WDFY3: variants seen among roughly 807,000 people sequenced by gnomAD.
WDFY3 encodes WD repeat and FYVE domain-containing protein 3.
A neutral mutation model predicts 409.6 loss-of-function variants in WDFY3; 66 were observed. That is an observed-to-expected ratio of 0.16 (90% CI 0.13 to 0.20). The LOEUF (loss-of-function observed/expected upper bound fraction) is 0.20, where lower values mean the gene tolerates loss of function less well. Among genes scored for constraint, WDFY3 ranks in the 10% least tolerant of loss-of-function variants. The probability of loss-of-function intolerance (pLI) is 1.00; values close to 1 mark genes in which losing one functional copy is unlikely to be tolerated. For synonymous variants in WDFY3, 1,521 were observed against 1,537.1 expected, an observed-to-expected ratio of 0.99 and a Z score of 0.25; for missense variants, 3,031 against 4,298.1, an observed-to-expected ratio of 0.71 and a Z score of 8.24.
intron 27 of WDFY3, among the ~76,000 whole-genome samples, chr4:84,777,616 T>A (rs918291457): frequency 4.6e-5 from 7 of 152,092 alleles, no homozygotes; most frequent in Admixed American, 1.3e-4. Context: ...GTAAAGCAAT[T>A]AGGGCACACT....
At chr4:84,818,263 A>G (rs1753595846) in intron 12 of WDFY3, among the ~76,000 whole-genome samples, 2 of 152,158 alleles carry the variant, frequency 1.3e-5, no homozygotes. Flanking sequence ...CACAAGTGAT[A>G]CTGTTCTCAC....
At chr4:84,892,615 C>T (rs930431796) in intron 3 of WDFY3, among the ~76,000 whole-genome samples, 2 of 152,218 alleles carry the variant, frequency 1.3e-5, no homozygotes, top group African/African-American at 4.8e-5. Flanking sequence ...TTATACTGGG[C>T]ACAGGAACTC....
At chr4:84,910,278 T>C (rs1252156753) in intron 2 of WDFY3, among the ~76,000 whole-genome samples, 1 of 152,170 alleles carries the variant, frequency 6.6e-6, no homozygotes, top group African/African-American at 2.4e-5. Flanking sequence ...CACCTACAGA[T>C]TTTGGTGCTT....
At chr4:84,875,200 G>A (rs923472150) in intron 3 of WDFY3, among the ~76,000 whole-genome samples, 1 of 151,424 alleles carries the variant, frequency 6.6e-6, no homozygotes, top group South Asian at 2.1e-4. Flanking sequence ...CCCAGGAGGT[G>A]GAAGTTGCAG....
At position 84,756,919 on chromosome 4, in the gene WDFY3, T is replaced by C; in HGVS notation, c.5424+7A>G. The C allele has an allele frequency of 6.2e-7, 1 of 1,612,652 alleles. No individual in the cohort carries two copies. Among genetic ancestry groups the C allele is most frequent in the Non-Finnish European group, 8.5e-7 (1 of 1,178,870 alleles). On this transcript the variant is annotated splice_region_variant and intron_variant, in intron 33 of 67. Transcript: ENST00000295888. Reference sequence around the variant, plus strand: ...ATTTCACGCACCCCTTGCTAGATAATTCCTACCTGGCAACCCTGCTTACTC... The same window carrying C: ...ATTTCACGCACCCCTTGCTAGATAACTCCTACCTGGCAACCCTGCTTACTC...
Position 84,684,058 on chromosome 4 carries a change from C to A in WDFY3, c.9611G>T (p.Ser3204Ile), listed in dbSNP as rs1727880454. 1.2e-6 allele frequency: 2 copies of A among 1,613,592 alleles called. No individual in the cohort carries two copies. Among genetic ancestry groups the A allele is most frequent in the Non-Finnish European group, 1.7e-6 (2 of 1,179,552 alleles). Residue 3204 changes from serine to isoleucine, a missense_variant, in exon 63 of 68, where the codon AGT becomes ATT. Physicochemically the swap from Ser to Ile is moderately radical, Grantham distance 142. Coordinates refer to ENST00000295888, the MANE Select transcript of WDFY3 (RefSeq NM_014991.6). ...VWSINGNPIV[S>I]VNTFTGRSQQ... ...GCTCCTACCTGTGAACGTGTTGACA[C>A]TCACGATAGGGTTCCCATTGATGCT...
intron 61 of WDFY3, among the ~76,000 whole-genome samples, chr4:84,689,392 C>T (rs1728870627): frequency 6.6e-6 from 1 of 152,146 alleles, no homozygotes; most frequent in South Asian, 2.1e-4. Flanking sequence ...TGGCACATTA[C>T]TTTCAAAGTG....
At position 84,757,160 on chromosome 4, in the gene WDFY3, T is replaced by A; in HGVS notation, c.5190A>T (p.Gly1730=). 6.2e-7 allele frequency: 1 copy of A among 1,612,458 alleles called. No homozygotes were observed. The highest frequency in any genetic ancestry group is 8.5e-7 in the Non-Finnish European group (1 of 1,178,622). ...CACCAGCACTTCTGCCCACGTTGAA[T>A]CCTAAGAGAAGAGGAATATAACAGT... The part of the protein sequence containing the change: ...VLTNKIGTVL[G]FNVGRSAGGR... The change falls in exon 33 of 68, where the codon GGA becomes GGT. Residue 1730 remains glycine, a splice_region_variant and synonymous_variant. Transcript: ENST00000295888.
At chr4:84,886,048 T>TA (rs951768065) in intron 3 of WDFY3, among the ~76,000 whole-genome samples, 3 of 151,850 alleles carry the variant, frequency 2.0e-5, no homozygotes, top group African/African-American at 2.4e-5. Flanking sequence ...TAGTGATGGG[T>TA]AAAAAAAATT....
At chr4:84,682,274 A>G in intron 64 of WDFY3, 100 bp downstream of exon 64, 2 of 1,129,514 alleles carry the variant, frequency 1.8e-6, no homozygotes, top group Non-Finnish European at 2.5e-6. Flanking sequence ...GCAGTGCCCA[A>G]CCTTGGGCTC....
chr4:84,835,710 A>G (rs907703714), intron 7 of WDFY3, among the ~76,000 whole-genome samples: 2 of 152,184 alleles, frequency 1.3e-5, no homozygotes, highest in East Asian at 3.9e-4. Flanking sequence ...TAAAGAGCCC[A>G]GTGACATGAG....
chr4:84,926,834 A>G (rs1004450781), intron 2 of WDFY3, among the ~76,000 whole-genome samples: 1 of 152,156 alleles, frequency 6.6e-6, no homozygotes, highest in Admixed American at 6.6e-5. Context: ...CTCTGCCATA[A>G]TCAATTCAAC....
chr4:84,836,136 A>G (rs1756537971), intron 7 of WDFY3, among the ~76,000 whole-genome samples: 1 of 152,058 alleles, frequency 6.6e-6, no homozygotes, highest in South Asian at 2.1e-4. Context: ...CTGAAACTCT[A>G]CTCCTATAGA....
intron 3 of WDFY3, among the ~76,000 whole-genome samples, chr4:84,890,918 G>A (rs1043014616): frequency 2.0e-5 from 3 of 152,086 alleles, no homozygotes; most frequent in African/African-American, 7.2e-5. Flanking sequence ...CCAAGTAGCT[G>A]GGACTACACT....
intron 58 of WDFY3, 37 bp from the exon 59 acceptor site, chr4:84,693,069 G>T (rs1288920086): frequency 6.3e-7 from 1 of 1,593,920 alleles, no homozygotes; most frequent in African/African-American, 1.4e-5. Context: ...TATAATGAAA[G>T]ATAACACTTA....
chr4:84,821,653 T>A, intron 10 of WDFY3, 102 bp from the exon 11 acceptor site: 1 of 996,330 alleles, frequency 1.0e-6, no homozygotes, highest in Non-Finnish European at 1.5e-6. Flanking sequence ...ATTTATCAAT[T>A]ATTTACTAAG....
intron 2 of WDFY3, among the ~76,000 whole-genome samples, chr4:84,906,040 C>T (rs964583113): frequency 2.0e-5 from 3 of 152,172 alleles, no homozygotes; most frequent in Admixed American, 6.5e-5. Context: ...ATACATTTAC[C>T]ATCTAGTTGT....
At chr4:84,705,134 T>C (rs1731717073) in intron 54 of WDFY3, among the ~76,000 whole-genome samples, 1 of 152,228 alleles carries the variant, frequency 6.6e-6, no homozygotes, top group South Asian at 2.1e-4. Context: ...GGGAAATTTC[T>C]GCCCTATGCA....
chr4:84,936,999 T>C (rs936602168), intron 1 of WDFY3, among the ~76,000 whole-genome samples: 1 of 152,128 alleles, frequency 6.6e-6, no homozygotes, highest in Non-Finnish European at 1.5e-5. Flanking sequence ...ACATTTCCAA[T>C]CATTAGAAAA....
Sources: gnomAD v4.1 joint callset for allele counts (sites outside exome capture counted in the v4.1 genomes callset) on GRCh38, gnomAD v4.1.1 for gene constraint, MANE v1.5 for transcripts, NCBI Gene and HGNC (gene_info 2026-07-23, HGNC 2026-07-21) for gene names.